The following MYOF variants were observed in gnomAD, a reference collection of about 807,000 sequenced individuals.
The protein encoded by MYOF is myoferlin.
In MYOF, 244 loss-of-function variants were observed where a neutral mutation model predicts 284.2. The ratio of observed to expected loss-of-function variants is 0.86; its 90% CI spans 0.77 to 0.95. The LOEUF is 0.95. Among genes scored for constraint, MYOF ranks in the 40% least tolerant of loss-of-function variants. MYOF has a pLI of 0.00. For synonymous variants in MYOF, 904 were observed against 919.7 expected (o/e 0.98, Z 0.31); for missense variants, 2,496 against 2,560.6 (o/e 0.97, Z 0.54).
intron 3 of MYOF, among the ~76,000 whole-genome samples, chr10:93,446,814 A>T (rs2056443690): frequency 6.6e-6 from 1 of 150,938 alleles, no homozygotes; most frequent in Non-Finnish European, 1.5e-5. Flanking sequence ...TCTGCCTCCC[A>T]GGTTCGAGTG....
intron 19 of MYOF, among the ~76,000 whole-genome samples, chr10:93,386,498 G>A (rs1357592173): frequency 6.6e-6 from 1 of 152,236 alleles, no homozygotes; most frequent in Non-Finnish European, 1.5e-5. Context: ...TTACACGGAT[G>A]CCCCGTGGCT....
intron 5 of MYOF, among the ~76,000 whole-genome samples, chr10:93,410,122 CTCCA>C (rs2134129057): frequency 6.6e-6 from 1 of 152,280 alleles, no homozygotes; most frequent in African/African-American, 2.4e-5. Flanking sequence ...CAAGCTTCAA[CTCCA>C]TCCCTCCCAC....
At chr10:93,479,432 G>A (rs2057342322) in intron 1 of MYOF, among the ~76,000 whole-genome samples, 1 of 152,066 alleles carries the variant, frequency 6.6e-6, no homozygotes, top group African/African-American at 2.4e-5. Context: ...TTAATTTTAC[G>A]CAGTGCTCAA....
In MYOF at chr10:93,436,759, G is replaced by C. The variant is rs185969590; in HGVS notation, c.237-5243C>G. 6.2e-3 allele frequency among the ~76,000 whole-genome samples: 937 copies of C among 152,282 alleles called. 7 individuals are homozygous for C. The highest frequency in any genetic ancestry group is 0.01 in the Non-Finnish European group (684 of 68,020). ...TGATGACTTGGCCTCTTACACAGGG[G>C]ATAAGAACAGTTTGGTCTGACCATA... is the stretch of plus-strand genomic sequence containing the variant. On this transcript the variant is annotated intron_variant, in intron 3 of 53. Coordinates refer to ENST00000359263, the MANE Select transcript of MYOF (RefSeq NM_013451.4).
chr10:93,380,026 T>G, intron 20 of MYOF, 39 bp from the exon 21 acceptor site: 1 of 1,594,926 alleles, frequency 6.3e-7, no homozygotes, highest in Middle Eastern at 1.7e-4. Flanking sequence ...CACTGAACAC[T>G]TAAAATAGAC....
chr10:93,369,110 C>CTTTTTTTTTTTTTTTTTTTTTTTTTTTTT lies in MYOF; in HGVS notation c.2589+534_2589+535insAAAAAAAAAAAAAAAAAAAAAAAAAAAAA, dbSNP rs66923086. On this transcript the variant is annotated intron_variant, in intron 25 of 53. Transcript: ENST00000359263. ...TATTGTTTTAGAAGTATTCAGACAGCTTTTTTTTTTTTTTTTTTTTTTGCC... is the reference window on the plus strand; with the variant it reads ...TATTGTTTTAGAAGTATTCAGACAGCTTTTTTTTTTTTTTTTTTTTTTTTTTTTTTTTTTTTTTTTTTTTTTTTTTTGCC... Among the ~76,000 whole-genome samples the CTTTTTTTTTTTTTTTTTTTTTTTTTTTTT allele has an allele frequency of 1.4e-4, 11 of 78,314 alleles. 1 individual carries two copies. The highest frequency in any genetic ancestry group is 6.5e-4 in the African/African-American group (10 of 15,450). 51.4% of individuals were successfully genotyped at this position (78,314 alleles called of 152,430 possible).
chr10:93,419,609 T>G (rs1302451805), intron 5 of MYOF, among the ~76,000 whole-genome samples: 1 of 152,214 alleles, frequency 6.6e-6, no homozygotes, highest in African/African-American at 2.4e-5. Flanking sequence ...GAATACAGAG[T>G]TGCAATACAC....
intron 36 of MYOF, 31 bp downstream of exon 36, chr10:93,349,777 C>T (rs761710520): frequency 6.2e-7 from 1 of 1,611,428 alleles, no homozygotes; most frequent in Non-Finnish European, 8.5e-7. Flanking sequence ...TTTCAACGCG[C>T]ATGGGTGATC....
At chr10:93,438,988 CA>C (rs2056161453) in intron 3 of MYOF, among the ~76,000 whole-genome samples, 1 of 152,184 alleles carries the variant, frequency 6.6e-6, no homozygotes, top group Non-Finnish European at 1.5e-5. Context: ...CACTGATCCT[CA>C]ACCGTGATTC....
intron 5 of MYOF, among the ~76,000 whole-genome samples, chr10:93,417,847 G>T (rs1242578075): frequency 6.6e-6 from 1 of 152,074 alleles, no homozygotes; most frequent in African/African-American, 2.4e-5. Flanking sequence ...GCCCCTGGCA[G>T]CCCCCTTTAT....
At chr10:93,411,122 TTAAC>T (rs770573977) in intron 5 of MYOF, among the ~76,000 whole-genome samples, 1 of 152,254 alleles carries the variant, frequency 6.6e-6, no homozygotes, top group Non-Finnish European at 1.5e-5. Context: ...ACCCAATAAA[TTAAC>T]TGTTTATTTT....
At chr10:93,334,634 T>C (rs1445524809) in intron 41 of MYOF, among the ~76,000 whole-genome samples, 2 of 152,150 alleles carry the variant, frequency 1.3e-5, no homozygotes, top group African/African-American at 4.8e-5. Flanking sequence ...CAACAAGACC[T>C]GCTGGAGAGG....
chr10:93,329,577 G>T (rs966475273), intron 44 of MYOF, 87 bp downstream of exon 44: 5 of 1,378,914 alleles, frequency 3.6e-6, no homozygotes, highest in East Asian at 4.6e-5. Context: ...CTCAGTGAAG[G>T]AAGGCACTAA....
At position 93,401,475 on chromosome 10, in the gene MYOF, C is replaced by A. The variant is rs1847290086; in HGVS notation, c.1060G>T (p.Ala354Ser). Residue 354 changes from alanine to serine, a missense_variant, in exon 12 of 54, where the codon GCC becomes TCC. Coordinates refer to ENST00000359263, the MANE Select transcript of MYOF (RefSeq NM_013451.4). ...AGCAAGAAGGTCACCCACCGGAGGG[C>A]AATGCCAGCAGGGAGTAACAAATTA... The part of the protein sequence containing the change: ...ESNLLLPAGI[A>S]LRWVTFLLKI... The A allele has an allele frequency of 1.2e-6, 2 of 1,614,144 alleles. No homozygotes were observed. The highest frequency in any genetic ancestry group is 1.7e-6 in the Non-Finnish European group (2 of 1,180,020).
Position 93,397,417 on chromosome 10 carries a change from A to G in MYOF, c.1261T>C (p.Trp421Arg). 6.2e-7 allele frequency: 1 copy of G among 1,611,226 alleles called. No individual in the cohort carries two copies. Among genetic ancestry groups the G allele is most frequent in the Non-Finnish European group, 8.5e-7 (1 of 1,179,362 alleles). Residue 421 changes from tryptophan (W) to arginine (R), a missense_variant, in exon 14 of 54, where the codon TGG (tryptophan) becomes CGG (arginine). By Grantham distance (101) the Trp-to-Arg change is moderately radical. Coordinates refer to ENST00000359263, the MANE Select transcript of MYOF (RefSeq NM_013451.4). ...ATCTGAAGATTGACGACCTGATTCC[A>G]CTCTGGGTTTGCATTTTTCTCAATT... is the stretch of plus-strand genomic sequence containing the variant. ...NIIEKNANPE[W>R]NQVVNLQIKF... is the part of the protein sequence containing the mutation.
chr10:93,427,352 A>ACT (rs1848641089), intron 4 of MYOF, among the ~76,000 whole-genome samples: 1 of 151,620 alleles, frequency 6.6e-6, no homozygotes, highest in Non-Finnish European at 1.5e-5. Flanking sequence ...CCAACACAGT[A>ACT]AAACCCCATC....
At chr10:93,407,655 G>A (rs936208604) in intron 7 of MYOF, among the ~76,000 whole-genome samples, 7 of 149,496 alleles carry the variant, frequency 4.7e-5, no homozygotes, top group Admixed American at 6.7e-5. Flanking sequence ...GGAGAATGGC[G>A]TGAACCCAAG....
chr10:93,437,497 A>T (rs1013267673), intron 3 of MYOF, among the ~76,000 whole-genome samples: 34 of 152,236 alleles, frequency 2.2e-4, no homozygotes, highest in African/African-American at 7.9e-4. Flanking sequence ...AGTAACTTGG[A>T]AATTCCTTCA....
rs1847001399 is a variant in MYOF, at chr10:93,396,196, C to T, written c.1363G>A (p.Gly455Arg). Residue 455 changes from glycine (G) to arginine (R), a missense_variant, in exon 16 of 54, where the codon GGA becomes AGA. By Grantham distance (125) the Gly-to-Arg change is moderately radical. Transcript: ENST00000359263. ...TTAGAGAGGTGTAGATATGTTGTTC[C>T]AACTACATCATTTTTAGTAAGACGG... Reference protein sequence around the residue: ...WDRLTKNDVVGTTYLHLSKIA... With the variant: ...WDRLTKNDVVRTTYLHLSKIA... 1.9e-6 allele frequency: 3 copies of T among 1,603,432 alleles called. No homozygotes were observed. The highest frequency in any genetic ancestry group is 2.6e-6 in the Non-Finnish European group (3 of 1,174,898).
Sources: allele counts gnomAD v4.1 joint callset (sites outside exome capture counted in the v4.1 genomes callset), GRCh38; gene constraint gnomAD v4.1.1; transcripts MANE v1.5; gene names NCBI Gene and HGNC (gene_info 2026-07-23, HGNC 2026-07-21).